The following DGKI variants were observed in gnomAD, a reference collection of about 807,000 sequenced individuals.
The protein encoded by DGKI is diacylglycerol kinase iota, also known as DAG kinase iota.
A neutral mutation model predicts 147.5 loss-of-function variants in DGKI; 55 were observed. The ratio of observed to expected loss-of-function variants is 0.37; its 90% confidence interval spans 0.30 to 0.47. The LOEUF (loss-of-function observed/expected upper bound fraction) is 0.47, where lower values mean the gene tolerates loss of function less well. Among genes scored for constraint, DGKI ranks in the 20% least tolerant of loss-of-function variants. The pLI is 1.00. For missense variants in DGKI, 1,007 were observed against 1,323.8 expected, an observed-to-expected ratio of 0.76 and a Z score of 3.71; for synonymous variants, 469 against 477.1, an observed-to-expected ratio of 0.98 and a Z score of 0.22.
chr7:137,787,231 T>C (rs535105222), intron 1 of DGKI, among the ~76,000 whole-genome samples: 3 of 151,630 alleles, frequency 2.0e-5, no homozygotes, highest in African/African-American at 7.3e-5. Context: ...ATCTGACAAA[T>C]GACTAATATC....
chr7:137,498,894 A>G (rs112067761), intron 21 of DGKI, among the ~76,000 whole-genome samples: 101 of 152,264 alleles, frequency 6.6e-4, no homozygotes, highest in African/African-American at 1.7e-3. Context: ...CTGTGATAAT[A>G]TATTCATTTG....
chr7:137,499,335 G>T (rs1401608922), intron 21 of DGKI, among the ~76,000 whole-genome samples: 1 of 152,122 alleles, frequency 6.6e-6, no homozygotes, highest in African/African-American at 2.4e-5. Flanking sequence ...TACGCACTGT[G>T]ATGATTAATT....
At chr7:137,836,252 T>C (rs55870816) in intron 1 of DGKI, among the ~76,000 whole-genome samples, 3,038 of 152,326 alleles carry the variant, frequency 0.02, 101 homozygotes, top group African/African-American at 0.07. Flanking sequence ...TTTATTTTCC[T>C]AAGAAATTCT....
intron 1 of DGKI, among the ~76,000 whole-genome samples, chr7:137,726,622 T>C (rs1327762883): frequency 6.6e-6 from 1 of 152,238 alleles, no homozygotes; most frequent in African/African-American, 2.4e-5. Flanking sequence ...CTTCTGGAAC[T>C]ACAAGTTCTT....
intron 6 of DGKI, among the ~76,000 whole-genome samples, chr7:137,638,453 CATATATATGTGTGTATATATGTGTGT>C (rs1821415703): frequency 1.2e-5 from 1 of 81,704 alleles, no homozygotes; most frequent in Non-Finnish European, 2.4e-5. Context: ...TACACACACA[CATATATATGTGTGTATATATGTGTGT>C]ATATATATAC....
chr7:137,594,794 C>T (rs1819730687), intron 12 of DGKI, among the ~76,000 whole-genome samples: 1 of 152,188 alleles, frequency 6.6e-6, no homozygotes. Context: ...CAATCACATA[C>T]CATGACAAAC....
chr7:137,780,643 CT>C (rs1036100007), intron 1 of DGKI, among the ~76,000 whole-genome samples: 1 of 152,158 alleles, frequency 6.6e-6, no homozygotes, highest in African/African-American at 2.4e-5. Context: ...GTCAGAAATG[CT>C]TTTTTCTAAA....
At chr7:137,656,650 T>C (rs933924059) in intron 3 of DGKI, 110 bp from the exon 4 acceptor site, 23 of 998,496 alleles carry the variant, frequency 2.3e-5, no homozygotes, top group Admixed American at 1.9e-4. Context: ...CAGCAAACAT[T>C]GTAATTATTT....
intron 32 of DGKI, among the ~76,000 whole-genome samples, chr7:137,395,179 G>T (rs760421703): frequency 6.6e-6 from 1 of 152,180 alleles, no homozygotes; most frequent in African/African-American, 2.4e-5. Context: ...CATATAAGGG[G>T]CCATATAAAT....
At chr7:137,839,432 G>C (rs1215975627) in intron 1 of DGKI, among the ~76,000 whole-genome samples, 2 of 152,186 alleles carry the variant, frequency 1.3e-5, no homozygotes, top group African/African-American at 4.8e-5. Flanking sequence ...AGACAAATCT[G>C]TTCCTTAACT....
At chr7:137,758,006 G>A (rs530868713) in intron 1 of DGKI, among the ~76,000 whole-genome samples, 18 of 152,294 alleles carry the variant, frequency 1.2e-4, no homozygotes, top group African/African-American at 4.1e-4. Context: ...AGCTATTTAT[G>A]ACAGTTTAGA....
At chr7:137,639,866 CA>C (rs1195530386) in intron 6 of DGKI, among the ~76,000 whole-genome samples, 1 of 152,110 alleles carries the variant, frequency 6.6e-6, no homozygotes, top group Non-Finnish European at 1.5e-5. Context: ...GTATAATTTA[CA>C]TTAAAAAACT....
At chr7:137,420,177 T>G (rs914700952) in intron 28 of DGKI, among the ~76,000 whole-genome samples, 2 of 152,180 alleles carry the variant, frequency 1.3e-5, no homozygotes, top group African/African-American at 4.8e-5. Flanking sequence ...GGCTTTCTTA[T>G]AAGATGGTGG....
intron 28 of DGKI, among the ~76,000 whole-genome samples, chr7:137,418,975 T>C (rs1222947543): frequency 6.6e-6 from 1 of 152,188 alleles, no homozygotes; most frequent in Non-Finnish European, 1.5e-5. Flanking sequence ...TAACCTTTCA[T>C]TTCATAGATG....
intron 1 of DGKI, among the ~76,000 whole-genome samples, chr7:137,842,848 T>TATA (rs908052232): frequency 2.5e-4 from 38 of 152,106 alleles, no homozygotes; most frequent in Middle Eastern, 3.4e-3. Flanking sequence ...TGCAATAATA[T>TATA]ATAATAATAA....
At chr7:137,417,321 C>T (rs1482849653) in intron 28 of DGKI, among the ~76,000 whole-genome samples, 3 of 152,226 alleles carry the variant, frequency 2.0e-5, no homozygotes, top group Non-Finnish European at 2.9e-5. Context: ...AATGCAAGGG[C>T]GTAGGGAACT....
chr7:137,720,961 G>A (rs759090270), intron 1 of DGKI, among the ~76,000 whole-genome samples: 5 of 152,150 alleles, frequency 3.3e-5, no homozygotes, highest in Non-Finnish European at 7.4e-5. Flanking sequence ...TATGTTACGT[G>A]TTTACAAGTG....
chr7:137,705,885 C>T (rs924828047), intron 1 of DGKI, among the ~76,000 whole-genome samples: 1 of 151,874 alleles, frequency 6.6e-6, no homozygotes, highest in Non-Finnish European at 1.5e-5. Flanking sequence ...AAAGATATAA[C>T]CCTGAGAGAG....
intron 1 of DGKI, among the ~76,000 whole-genome samples, chr7:137,792,942 A>T (rs1470331610): frequency 1.3e-5 from 2 of 152,224 alleles, no homozygotes; most frequent in African/African-American, 4.8e-5. Context: ...ACCCAGTCTC[A>T]GGTATTCCTA....
Sources: allele counts gnomAD v4.1 joint callset (sites outside exome capture counted in the v4.1 genomes callset), GRCh38; gene constraint gnomAD v4.1.1; transcripts MANE v1.5; gene names NCBI Gene and HGNC (gene_info 2026-07-23, HGNC 2026-07-21).